Variants in ZNF274 observed in about 807,000 individuals in gnomAD.
ZNF274 encodes the protein zinc finger protein 274.
A neutral mutation model predicts 42.5 loss-of-function variants in ZNF274; 23 were observed. The ratio of observed to expected loss-of-function variants is 0.54; its 90% CI spans 0.39 to 0.77. The LOEUF (loss-of-function observed/expected upper bound fraction) is 0.77. Ranked by LOEUF, ZNF274 falls within the 30% of genes least tolerant of loss-of-function variation. The probability of loss-of-function intolerance (pLI) is 0.00; values close to 1 mark genes in which losing one functional copy is unlikely to be tolerated. For synonymous variants in ZNF274, 292 were observed against 305.4 expected, an observed-to-expected ratio of 0.96 and a Z score of 0.46; for missense variants, 679 against 806.5, an observed-to-expected ratio of 0.84 and a Z score of 1.91.
intron 4 of ZNF274, among the ~76,000 whole-genome samples, chr19:58,192,694 G>A (rs2075791940): frequency 6.6e-6 from 1 of 152,106 alleles, no homozygotes; most frequent in Non-Finnish European, 1.5e-5. Flanking sequence ...TTTAGGGAAT[G>A]GTGACGAGGA....
In ZNF274 at chr19:58,207,177, T is replaced by A. The variant is rs184523371; in HGVS notation, c.714T>A (p.Gly238=). 1.9e-4 allele frequency: 313 copies of A among 1,612,426 alleles called. No individual in the cohort carries two copies. Among genetic ancestry groups the A allele is most frequent in the Non-Finnish European group, 2.6e-4 (306 of 1,179,218 alleles). Reference sequence around the variant, plus strand: ...AAGAGGTGGTGGCCCTGGTAGAGGGTGTGACCTGGATGTCTGAGGAGGAAG... The same window carrying A: ...AAGAGGTGGTGGCCCTGGTAGAGGGAGTGACCTGGATGTCTGAGGAGGAAG... ...NCQEVVALVE[G]VTWMSEEEVL... is the part of the protein sequence containing the mutation. The change falls in exon 5 of 8, where the codon GGT becomes GGA. Residue 238 remains glycine (G), a synonymous_variant. Transcript: ENST00000617501. This position sits in a 1 kb window ranked among gnomAD's most constrained non-coding sequence, Gnocchi z 5.6.
At chr19:58,183,752 A>G in intron 1 of ZNF274, 169 bp from the exon 2 acceptor site, 1 of 516,704 alleles carries the variant, frequency 1.9e-6, no homozygotes, top group Non-Finnish European at 3.5e-6. Context: ...GGAGGGGAAA[A>G]CTGGTCCTAT....
At chr19:58,195,013 TAATAATA>T (rs990638686) in intron 4 of ZNF274, among the ~76,000 whole-genome samples, 7 of 143,582 alleles carry the variant, frequency 4.9e-5, no homozygotes, top group Middle Eastern at 7.0e-3. Flanking sequence ...AAAATAATAA[TAATAATA>T]AATAAATAAA....
At chr19:58,196,479 T>C (rs1018220323) in intron 4 of ZNF274, among the ~76,000 whole-genome samples, 1 of 152,160 alleles carries the variant, frequency 6.6e-6, no homozygotes, top group Non-Finnish European at 1.5e-5. Context: ...GGAGGTTGGC[T>C]TGAGCCTGGA....
chr19:58,196,747 C>T (rs574839756), intron 4 of ZNF274, among the ~76,000 whole-genome samples: 4 of 152,088 alleles, frequency 2.6e-5, no homozygotes, highest in Admixed American at 6.5e-5. Context: ...TTCTTTTATC[C>T]AAGAATAAGA....
chr19:58,199,372 A>T (rs1271881592), intron 4 of ZNF274, among the ~76,000 whole-genome samples: 1 of 152,144 alleles, frequency 6.6e-6, no homozygotes, highest in African/African-American at 2.4e-5. Flanking sequence ...TCTAAAAAAA[A>T]AAAGATTCAG....
intron 4 of ZNF274, among the ~76,000 whole-genome samples, chr19:58,204,401 C>T (rs762322947): frequency 5.3e-5 from 8 of 152,034 alleles, no homozygotes; most frequent in Non-Finnish European, 1.0e-4. Context: ...CGACCCATTT[C>T]GTCGGCTGAG....
Position 58,212,618 on chromosome 19 carries a change from G to C in ZNF274, c.1437G>C (p.Lys479Asn). 1 of 1,614,016 alleles carries C rather than the reference G, an allele frequency of 6.2e-7. No homozygotes were observed. Among genetic ancestry groups the C allele is most frequent in the Non-Finnish European group, 8.5e-7 (1 of 1,179,896 alleles). Residue 479 changes from lysine to asparagine, a missense_variant, in exon 8 of 8, where the codon AAG (lysine) becomes AAC (asparagine). Coordinates refer to ENST00000617501, the MANE Select transcript of ZNF274 (RefSeq NM_133502.3). The surrounding 1 kb of genome is among the most constrained non-coding windows in gnomAD (Gnocchi z 4.6). ...HQKSCERQKA[K>N]EGNGCRKTFS... ...AGAGCTGTGAAAGGCAAAAGGCCAAGGAAGGCAATGGTTGTAGGAAAACCT... is the reference window on the plus strand; with the variant it reads ...AGAGCTGTGAAAGGCAAAAGGCCAACGAAGGCAATGGTTGTAGGAAAACCT...
chr19:58,213,237 G>C lies in ZNF274; in HGVS notation c.*94G>C. 1 of 1,475,760 alleles carries C rather than the reference G, an allele frequency of 6.8e-7. No homozygotes were observed. The highest frequency in any genetic ancestry group is 2.4e-5 in the Admixed American group (1 of 41,846). 91.4% of individuals were successfully genotyped at this position (1,475,760 alleles called of 1,614,324 possible). On this transcript the variant is annotated 3_prime_UTR_variant, in exon 8 of 8. Transcript: ENST00000617501. ...TTGTGAATCAGGACTGAATGTGAAA[G>C]GGAAGTATTGAGTGAGGACATTCCC... is the stretch of plus-strand genomic sequence containing the variant.
At chr19:58,196,534 AAAAC>A (rs1451507937) in intron 4 of ZNF274, among the ~76,000 whole-genome samples, 1 of 152,218 alleles carries the variant, frequency 6.6e-6, no homozygotes, top group Non-Finnish European at 1.5e-5. Context: ...TGCAGAAAAA[AAAAC>A]AAAGTTAAGT....
At chr19:58,201,796 T>C (rs1451489526) in intron 4 of ZNF274, among the ~76,000 whole-genome samples, 1 of 152,198 alleles carries the variant, frequency 6.6e-6, no homozygotes, top group Non-Finnish European at 1.5e-5. Context: ...ATTACAGGCA[T>C]GAGTCACCGC....
Position 58,188,674 on chromosome 19 carries a change from G to A in ZNF274, c.256+1632G>A, listed in dbSNP as rs1192217236. ...AAAAAATAGATGTGTGTGTGTGTGT[G>A]TGTATATATATATGTATATGTATAT... On this transcript the variant is annotated intron_variant, in intron 4 of 7. Coordinates refer to ENST00000617501, the MANE Select transcript of ZNF274 (RefSeq NM_133502.3). 7.5e-3 allele frequency among the ~76,000 whole-genome samples: 640 copies of A among 84,842 alleles called. 3 individuals carry two copies. Among genetic ancestry groups the A allele is most frequent in the Admixed American group, 0.011 (63 of 5,670 alleles). 55.7% of individuals were successfully genotyped at this position (84,842 alleles called of 152,430 possible).
intron 4 of ZNF274, among the ~76,000 whole-genome samples, chr19:58,196,178 C>A (rs1410981363): frequency 6.6e-6 from 1 of 152,124 alleles, no homozygotes; most frequent in African/African-American, 2.4e-5. Context: ...CAGATTTAGT[C>A]ATTAGGAAAG....
At chr19:58,194,506 G>A (rs1354207024) in intron 4 of ZNF274, among the ~76,000 whole-genome samples, 1 of 145,792 alleles carries the variant, frequency 6.9e-6, no homozygotes, top group Non-Finnish European at 1.5e-5. Flanking sequence ...AGCCTTCTGT[G>A]TAGCTGGGAC....
chr19:58,191,281 G>A (rs530565087), intron 4 of ZNF274, among the ~76,000 whole-genome samples: 78 of 152,288 alleles, frequency 5.1e-4, no homozygotes, highest in African/African-American at 1.8e-3. Context: ...GGGACTACAG[G>A]TGCACACCAC....
chr19:58,194,533 C>T (rs1168050921), intron 4 of ZNF274, among the ~76,000 whole-genome samples: 1 of 151,562 alleles, frequency 6.6e-6, no homozygotes, highest in Non-Finnish European at 1.5e-5. Flanking sequence ...CACCTGCCAC[C>T]ACACCTAGCT....
At chr19:58,209,108 T>TA in intron 5 of ZNF274, 1 of 152,304 alleles carries the variant, frequency 6.6e-6, no homozygotes, top group Non-Finnish European at 1.5e-5. Context: ...GCTCCAATAG[T>TA]GTCCTCCAGA....
chr19:58,203,740 A>G (rs1227048869), intron 4 of ZNF274, among the ~76,000 whole-genome samples: 1 of 152,242 alleles, frequency 6.6e-6, no homozygotes, highest in East Asian at 1.9e-4. Flanking sequence ...AATGAGTTGG[A>G]GAGGCCAAGC....
intron 4 of ZNF274, among the ~76,000 whole-genome samples, chr19:58,201,424 A>G (rs957351303): frequency 6.6e-6 from 1 of 151,534 alleles, no homozygotes; most frequent in Non-Finnish European, 1.5e-5. Context: ...ATCACTTTTC[A>G]ACCTGAGATT....
Sources: allele counts gnomAD v4.1 joint callset (sites outside exome capture counted in the v4.1 genomes callset), GRCh38; gene constraint gnomAD v4.1.1; non-coding constraint Gnocchi (gnomAD v3.1); transcripts MANE v1.5; gene names NCBI Gene and HGNC (gene_info 2026-07-23, HGNC 2026-07-21).